Variants in ABLIM2 observed in about 807,000 individuals in gnomAD.
ABLIM2 encodes actin binding LIM protein family member 2.
In ABLIM2, 53 loss-of-function variants were observed where a neutral mutation model predicts 97.7. That is an observed-to-expected ratio of 0.54 (90% CI 0.44 to 0.68). ABLIM2 has a LOEUF of 0.68. ABLIM2 is among the 30% of genes least tolerant of loss of function. The pLI, the probability that ABLIM2 is intolerant of heterozygous loss-of-function variation, is 0.00. For synonymous variants in ABLIM2, 361 were observed against 345.8 expected (o/e 1.04, Z -0.49); for missense variants, 835 against 867.2 (o/e 0.96, Z 0.47).
At position 8,021,356 on chromosome 4, in the gene ABLIM2, A is replaced by G. The variant is rs986142745; in HGVS notation, c.1268-1053T>C. Among the ~76,000 whole-genome samples, 4 of 152,146 alleles carry G rather than the reference A, an allele frequency of 2.6e-5. No homozygotes were observed. Among genetic ancestry groups the G allele is most frequent in the Admixed American group, 2.6e-4 (4 of 15,280 alleles). ...GTTTGGGGAATGAGGTGACAGACAG[A>G]TGCAGGGTATTGAATGCTTGTGATG... On this transcript the variant is annotated intron_variant, in intron 12 of 20. Transcript: ENST00000447017. The surrounding 1 kb of genome is among the most constrained non-coding windows in gnomAD (Gnocchi z 5.5).
At position 8,068,739 on chromosome 4, in the gene ABLIM2, C is replaced by T. The variant is rs66561438; in HGVS notation, c.676-7685G>A. On this transcript the variant is annotated intron_variant, in intron 6 of 20. Coordinates refer to ENST00000447017, the MANE Select transcript of ABLIM2 (RefSeq NM_001130083.2). The surrounding 1 kb of genome is among the most constrained non-coding windows in gnomAD (Gnocchi z 4.5). ...CAGCCGAGGGCCAGGGCTGGGCCTG[C>T]GGGCTGCACCTCCCTGCAGCAGGCA... Among the ~76,000 whole-genome samples the T allele has an allele frequency of 1.3e-3, 198 of 152,278 alleles. No individual in the cohort carries two copies. Among genetic ancestry groups the T allele is most frequent in the South Asian group, 4.1e-3 (20 of 4,828 alleles).
rs1031212529 is a variant in ABLIM2 at position 8,044,217 on chromosome 4, C to A, written c.900+947G>T. 2.0e-5 allele frequency among the ~76,000 whole-genome samples: 3 copies of A among 152,164 alleles called. No individual in the cohort carries two copies. The highest frequency in any genetic ancestry group is 2.9e-5 in the Non-Finnish European group (2 of 68,030). On this transcript the variant is annotated intron_variant, in intron 9 of 20. Transcript: ENST00000447017. This position sits in a 1 kb window ranked among gnomAD's most constrained non-coding sequence, Gnocchi z 4.4. ...CCGCTGAGGCATGAAGAACCCAGGT[C>A]CTGGCCTGGCGGGGACGGGGAGGGG...
rs1049090825 is a variant in ABLIM2 at position 7,966,643 on chromosome 4, C to G, written c.*347G>C. ...ACGTCCCGGCCACCTCTGTCCCCCA[C>G]GTGCCCAGCACCGGGGCCAGGGCAC... On this transcript the variant is annotated 3_prime_UTR_variant, in exon 21 of 21. Coordinates refer to ENST00000447017, the MANE Select transcript of ABLIM2 (RefSeq NM_001130083.2). 1 of 249,924 alleles carries G rather than the reference C, an allele frequency of 4.0e-6. No homozygotes were observed. The highest frequency in any genetic ancestry group is 7.7e-6 in the Non-Finnish European group (1 of 129,332). 15.5% of individuals were successfully genotyped at this position (249,924 alleles called of 1,614,324 possible).
In ABLIM2 at chr4:8,032,579, G is replaced by A; in HGVS notation, c.1048-2803C>T. The A allele has an allele frequency of 1.3e-6, 2 of 1,592,770 alleles. No homozygotes were observed. Among genetic ancestry groups the A allele is most frequent in the Non-Finnish European group, 1.7e-6 (2 of 1,163,112 alleles). On this transcript the variant is annotated intron_variant, in intron 10 of 20. Coordinates refer to ENST00000447017, the MANE Select transcript of ABLIM2 (RefSeq NM_001130083.2). This position sits in a 1 kb window ranked among gnomAD's most constrained non-coding sequence, Gnocchi z 4.3. ...GAGGCCCTTCCCGGGAGTGCGGCTGGGTGGTTATGTTTATAACCCAGGCAG... is the reference window on the plus strand; with the variant it reads ...GAGGCCCTTCCCGGGAGTGCGGCTGAGTGGTTATGTTTATAACCCAGGCAG...
At chr4:8,051,629 G>A (rs1796128510) in intron 8 of ABLIM2, among the ~76,000 whole-genome samples, 1 of 152,044 alleles carries the variant, frequency 6.6e-6, no homozygotes, top group African/African-American at 2.4e-5. Context: ...AGGGGTCCTT[G>A]GGCAGTTTTC....
At chr4:8,056,018 C>A (rs532860031) in intron 7 of ABLIM2, among the ~76,000 whole-genome samples, 41 of 146,030 alleles carry the variant, frequency 2.8e-4, no homozygotes, top group African/African-American at 9.7e-4. Context: ...GAGGCTGAGG[C>A]AGGAGAATCG....
chr4:7,983,605 TGTC>T (rs1356858915), intron 18 of ABLIM2, 51 bp from the exon 19 acceptor site: 5 of 1,606,270 alleles, frequency 3.1e-6, no homozygotes, highest in Non-Finnish European at 4.3e-6. Context: ...AAGTGCAAGA[TGTC>T]GTCCAAGGTG....
chr4:8,139,965 A>T (rs577996282), intron 1 of ABLIM2, among the ~76,000 whole-genome samples: 121 of 152,246 alleles, frequency 7.9e-4, no homozygotes, highest in Non-Finnish European at 1.5e-3. Flanking sequence ...ACATGGATAG[A>T]ACTGGAAGCC....
At chr4:8,126,933 G>A (rs1303670822) in intron 1 of ABLIM2, among the ~76,000 whole-genome samples, 1 of 152,080 alleles carries the variant, frequency 6.6e-6, no homozygotes, top group African/African-American at 2.4e-5. Flanking sequence ...CAGGTCTGGT[G>A]GCGTGCACCT....
intron 14 of ABLIM2, among the ~76,000 whole-genome samples, chr4:8,011,254 G>T (rs979447196): frequency 1.3e-5 from 2 of 152,170 alleles, no homozygotes; most frequent in Non-Finnish European, 1.5e-5. Flanking sequence ...CCATCTGAGA[G>T]AGGGATGCTC....
At chr4:8,129,657 T>C (rs1165116880) in intron 1 of ABLIM2, among the ~76,000 whole-genome samples, 1 of 152,176 alleles carries the variant, frequency 6.6e-6, no homozygotes, top group Non-Finnish European at 1.5e-5. Context: ...AAGACAAGTA[T>C]ATGCACAGAT....
At chr4:8,007,185 T>C (rs1446747254) in intron 16 of ABLIM2, 1 of 985,330 alleles carries the variant, frequency 1.0e-6, no homozygotes, top group African/African-American at 1.7e-5. Context: ...AAACAGTTTC[T>C]GTTTACTGAG....
intron 1 of ABLIM2, among the ~76,000 whole-genome samples, chr4:8,137,233 C>G (rs1431143036): frequency 6.6e-6 from 1 of 152,220 alleles, no homozygotes; most frequent in Non-Finnish European, 1.5e-5. Flanking sequence ...GCGCTAGGAC[C>G]CCCCCACTCT....
intron 14 of ABLIM2, chr4:8,010,326 C>G: frequency 1.0e-6 from 1 of 975,746 alleles, no homozygotes; most frequent in African/African-American, 1.8e-5. Context: ...CTTACAGAAA[C>G]ACTGACCCCA....
chr4:8,066,685 A>T (rs559616139), intron 6 of ABLIM2: 4 of 152,276 alleles, frequency 2.6e-5, no homozygotes, highest in Admixed American at 2.6e-4. Flanking sequence ...CACTATGGAA[A>T]ATCCGGAGCA....
At chr4:8,029,310 A>G (rs557636540) in intron 11 of ABLIM2, among the ~76,000 whole-genome samples, 1 of 152,196 alleles carries the variant, frequency 6.6e-6, no homozygotes, top group South Asian at 2.1e-4. Flanking sequence ...CCTGACACAT[A>G]TGCTGTCTTA....
intron 3 of ABLIM2, among the ~76,000 whole-genome samples, chr4:8,088,901 G>A (rs942725784): frequency 1.3e-5 from 2 of 152,196 alleles, no homozygotes; most frequent in African/African-American, 4.8e-5. Context: ...GACCTGTCTG[G>A]CTTCAAAGTT....
At chr4:8,017,932 G>A (rs1271256888) in intron 14 of ABLIM2, among the ~76,000 whole-genome samples, 3 of 151,614 alleles carry the variant, frequency 2.0e-5, no homozygotes, top group Non-Finnish European at 4.4e-5. Context: ...GGCGGAGGTT[G>A]CAGTAAGCCA....
intron 4 of ABLIM2, among the ~76,000 whole-genome samples, chr4:8,081,961 G>A (rs1218682361): frequency 1.3e-5 from 2 of 152,284 alleles, no homozygotes; most frequent in African/African-American, 2.4e-5. Context: ...GTGTGTCTAC[G>A]TATGTGTTTG....
Sources: gnomAD v4.1 joint callset for allele counts (sites outside exome capture counted in the v4.1 genomes callset) on GRCh38, gnomAD v4.1.1 for gene constraint, Gnocchi (gnomAD v3.1) non-coding constraint, MANE v1.5 for transcripts, NCBI Gene and HGNC (gene_info 2026-07-23, HGNC 2026-07-21) for gene names.